Variants in AGAP1 observed in about 807,000 individuals in gnomAD.
AGAP1 encodes the protein ArfGAP with GTPase domain, ankyrin repeat and PH domain 1.
A neutral mutation model predicts 105.3 loss-of-function variants in AGAP1; 29 were observed. The ratio of observed to expected loss-of-function variants is 0.28; its 90% confidence interval spans 0.21 to 0.38. The LOEUF (loss-of-function observed/expected upper bound fraction) is 0.38. Ranked by LOEUF, AGAP1 falls within the 10% of genes least tolerant of loss-of-function variation. The probability of loss-of-function intolerance (pLI) is 1.00; values close to 1 mark genes in which losing one functional copy is unlikely to be tolerated. For synonymous variants in AGAP1, 509 were observed against 485.9 expected, an observed-to-expected ratio of 1.05 and a Z score of -0.63; for missense variants, 998 against 1,165.1, an observed-to-expected ratio of 0.86 and a Z score of 2.09.
chr2:235,972,578 CT>C (rs2125366512), intron 13 of AGAP1, among the ~76,000 whole-genome samples: 1 of 152,292 alleles, frequency 6.6e-6, no homozygotes, highest in South Asian at 2.1e-4. Context: ...AGAAAGAGAC[CT>C]GTCCGGCTGT....
At chr2:235,651,805 A>G (rs1947604569) in intron 1 of AGAP1, among the ~76,000 whole-genome samples, 1 of 152,216 alleles carries the variant, frequency 6.6e-6, no homozygotes. Flanking sequence ...AGAGATTTTC[A>G]TAGTAATTGA....
rs144616803 is a variant in AGAP1 at position 235,753,370 on chromosome 2, G to A, written c.673+2882G>A. Among the ~76,000 whole-genome samples, 12 of 152,270 alleles carry A rather than the reference G, an allele frequency of 7.9e-5. No individual in the cohort carries two copies. The highest frequency in any genetic ancestry group is 3.3e-4 in the Admixed American group (5 of 15,294). ...GTTTTCATGGGCACAGGAGATTTCCGTTCCAGTTTCGTATTATAGAAATAA... is the reference window on the plus strand; with the variant it reads ...GTTTTCATGGGCACAGGAGATTTCCATTCCAGTTTCGTATTATAGAAATAA... On this transcript the variant is annotated intron_variant, in intron 6 of 17. Transcript: ENST00000304032. The surrounding 1 kb of genome is among the most constrained non-coding windows in gnomAD (Gnocchi z 4.5).
At position 235,528,796 on chromosome 2, in the gene AGAP1, G is replaced by T. The variant is rs560315353; in HGVS notation, c.163+33947G>T. The stretch of plus-strand genomic sequence containing the variant: ...GGTTGCAAGCAATTCTCCTGCCTCA[G>T]CCTCCCTAGTAGCTGGGATTACAGT... On this transcript the variant is annotated intron_variant, in intron 1 of 17. Transcript: ENST00000304032. Among the ~76,000 whole-genome samples the T allele has an allele frequency of 2.6e-5, 4 of 152,256 alleles. No individual in the cohort carries two copies. In the East Asian group the frequency reaches 5.8e-4, roughly 22 times the overall value.
rs900640895 is a variant in AGAP1 at position 236,123,208 on chromosome 2, G to A, written c.2371-711G>A. Reference sequence around the variant, plus strand: ...CCCACCTCAGCCTCCTGCATAGCTGGGACCACAGGCATATGCCACGTGCCC... The same window carrying A: ...CCCACCTCAGCCTCCTGCATAGCTGAGACCACAGGCATATGCCACGTGCCC... On this transcript the variant is annotated intron_variant, in intron 17 of 17. Coordinates refer to ENST00000304032, the MANE Select transcript of AGAP1 (RefSeq NM_001037131.3). This position sits in a 1 kb window ranked among gnomAD's most constrained non-coding sequence, Gnocchi z 4.6. Among the ~76,000 whole-genome samples the A allele has an allele frequency of 6.6e-6, 1 of 152,094 alleles. No homozygotes were observed. Among genetic ancestry groups the A allele is most frequent in the Non-Finnish European group, 1.5e-5 (1 of 68,024 alleles).
chr2:235,833,957 T>TA (rs60112448), intron 9 of AGAP1, among the ~76,000 whole-genome samples: 11,741 of 137,750 alleles, frequency 0.085, 1,144 homozygotes, highest in African/African-American at 0.24. Flanking sequence ...ATTTTTTTTG[T>TA]AAAAAAAAAA....
chr2:236,108,880 C>T (rs964846668), intron 16 of AGAP1, among the ~76,000 whole-genome samples: 11 of 152,180 alleles, frequency 7.2e-5, no homozygotes, highest in African/African-American at 2.4e-4. Flanking sequence ...TCCCAGACCC[C>T]GCCACAAGAC....
chr2:235,895,142 G>C (rs2050741716), intron 10 of AGAP1, among the ~76,000 whole-genome samples: 1 of 152,220 alleles, frequency 6.6e-6, no homozygotes. Context: ...GCAGTGGCCT[G>C]CTCATAAAGT....
At chr2:235,647,490 C>T (rs1436053679) in intron 1 of AGAP1, among the ~76,000 whole-genome samples, 3 of 152,078 alleles carry the variant, frequency 2.0e-5, no homozygotes, top group South Asian at 2.1e-4. Context: ...CAGGCTCAAG[C>T]GATCCTCTCA....
chr2:235,955,144 A>G (rs1319971690), intron 12 of AGAP1, among the ~76,000 whole-genome samples: 1 of 152,198 alleles, frequency 6.6e-6, no homozygotes, highest in Non-Finnish European at 1.5e-5. Context: ...TGACATGCCC[A>G]GGGTCACGTG....
chr2:236,105,499 C>T lies in AGAP1; in HGVS notation c.2115-14693C>T, dbSNP rs1320482014. On this transcript the variant is annotated intron_variant, in intron 16 of 17. Transcript: ENST00000304032. This position sits in a 1 kb window ranked among gnomAD's most constrained non-coding sequence, Gnocchi z 4.2. ...CTCTTCCTGGCTTATAGACAGATGC[C>T]TCTTGCAGTGTCCTCATGTGGAGGA... 1.3e-5 allele frequency among the ~76,000 whole-genome samples: 2 copies of T among 151,628 alleles called. No homozygotes were observed. Among genetic ancestry groups the T allele is most frequent in the South Asian group, 2.1e-4 (1 of 4,786 alleles).
rs1207913073 is a variant in AGAP1, at chr2:235,752,333, A to T, written c.673+1845A>T. On this transcript the variant is annotated intron_variant, in intron 6 of 17. Coordinates refer to ENST00000304032, the MANE Select transcript of AGAP1 (RefSeq NM_001037131.3). This position sits in a 1 kb window ranked among gnomAD's most constrained non-coding sequence, Gnocchi z 4.3. Reference sequence around the variant, plus strand: ...GCTGGAATTACAGGTACACGCTGCCACACCTGGCTAATTTTTTGCATTTTA... The same window carrying T: ...GCTGGAATTACAGGTACACGCTGCCTCACCTGGCTAATTTTTTGCATTTTA... Among the ~76,000 whole-genome samples, 1 of 151,940 alleles carries T rather than the reference A, an allele frequency of 6.6e-6. No individual in the cohort carries two copies. Among genetic ancestry groups the T allele is most frequent in the African/African-American group, 2.4e-5 (1 of 41,266 alleles).
In AGAP1 at chr2:235,760,503, A is replaced by G. The variant is rs941588423; in HGVS notation, c.673+10015A>G. On this transcript the variant is annotated intron_variant, in intron 6 of 17. Coordinates refer to ENST00000304032, the MANE Select transcript of AGAP1 (RefSeq NM_001037131.3). ...GAGGTGATTATCCTTAAATCATCCA[A>G]GTGTTTTTGAATATTATTTCAATTA... Among the ~76,000 whole-genome samples, 15 of 152,384 alleles carry G rather than the reference A, an allele frequency of 9.8e-5. No individual in the cohort carries two copies. In the South Asian group the frequency reaches 2.9e-3, roughly 29 times the overall value.
rs555235052 is a variant in AGAP1 at position 235,823,109 on chromosome 2, T to G, written c.1050+15778T>G. 2.6e-5 allele frequency among the ~76,000 whole-genome samples: 4 copies of G among 152,320 alleles called. No individual in the cohort carries two copies. The East Asian group carries it at 7.7e-4, about 29-fold the overall frequency. ...TCTGTTACTCAGAATCTTACCTATTTTTTCCAAGTAGTTTCTCTCAGAGAA... is the reference window on the plus strand; with the variant it reads ...TCTGTTACTCAGAATCTTACCTATTGTTTCCAAGTAGTTTCTCTCAGAGAA... On this transcript the variant is annotated intron_variant, in intron 9 of 17. Coordinates refer to ENST00000304032, the MANE Select transcript of AGAP1 (RefSeq NM_001037131.3).
intron 12 of AGAP1, among the ~76,000 whole-genome samples, chr2:235,940,364 C>A (rs1334343912): frequency 1.3e-5 from 2 of 152,190 alleles, no homozygotes; most frequent in Non-Finnish European, 2.9e-5. Flanking sequence ...GATTGCCACT[C>A]CCCACACCCA....
intron 1 of AGAP1, among the ~76,000 whole-genome samples, chr2:235,650,100 G>A (rs1446910985): frequency 2.0e-5 from 3 of 152,174 alleles, no homozygotes; most frequent in African/African-American, 4.8e-5. Flanking sequence ...GGTGGCTCAC[G>A]CCTGAAATCC....
Position 235,824,459 on chromosome 2 carries a change from G to A in AGAP1, c.1050+17128G>A, listed in dbSNP as rs1005276690. On this transcript the variant is annotated intron_variant, in intron 9 of 17. Transcript: ENST00000304032. The surrounding 1 kb of genome is among the most constrained non-coding windows in gnomAD (Gnocchi z 5.2). Reference sequence around the variant, plus strand: ...CATTGAACTGTGAAGAAATAATGTTGTACAGCCAATCAAAAAGAGATACTT... The same window carrying A: ...CATTGAACTGTGAAGAAATAATGTTATACAGCCAATCAAAAAGAGATACTT... Among the ~76,000 whole-genome samples the A allele has an allele frequency of 2.6e-5, 4 of 152,170 alleles. No homozygotes were observed. Among genetic ancestry groups the A allele is most frequent in the Non-Finnish European group, 4.4e-5 (3 of 68,038 alleles).
In AGAP1 at chr2:235,793,674, G is replaced by A. The variant is rs1200200750; in HGVS notation, c.674-4085G>A. Among the ~76,000 whole-genome samples, 1 of 152,170 alleles carries A rather than the reference G, an allele frequency of 6.6e-6. No individual in the cohort carries two copies. Among genetic ancestry groups the A allele is most frequent in the Non-Finnish European group, 1.5e-5 (1 of 68,034 alleles). On this transcript the variant is annotated intron_variant, in intron 6 of 17. Transcript: ENST00000304032. This position sits in a 1 kb window ranked among gnomAD's most constrained non-coding sequence, Gnocchi z 5.3. ...CAGCAAAAAGGAGGAAGGGGGAGGA[G>A]GAGGAGCTGTCCTCTGGTTATAGAG...
chr2:235,708,230 T>G (rs557094905), intron 1 of AGAP1, among the ~76,000 whole-genome samples: 121 of 152,338 alleles, frequency 7.9e-4, no homozygotes, highest in African/African-American at 2.7e-3. Context: ...AAATCCCATG[T>G]GGAAAGAGCT....
chr2:235,893,565 T>C lies in AGAP1; in HGVS notation c.1155+10116T>C, dbSNP rs1341286873. On this transcript the variant is annotated intron_variant, in intron 10 of 17. Coordinates refer to ENST00000304032, the MANE Select transcript of AGAP1 (RefSeq NM_001037131.3). The surrounding 1 kb of genome is among the most constrained non-coding windows in gnomAD (Gnocchi z 4.7). ...TGGTGCGGGTGTGCCGTGTCCATCA[T>C]GAGGGTGCGCCGTGTCCGTCATGCA... is the stretch of plus-strand genomic sequence containing the variant. Among the ~76,000 whole-genome samples, 1 of 152,092 alleles carries C rather than the reference T, an allele frequency of 6.6e-6. No individual in the cohort carries two copies. The highest frequency in any genetic ancestry group is 2.4e-5 in the African/African-American group (1 of 41,412).
Sources: gnomAD v4.1 joint callset for allele counts (sites outside exome capture counted in the v4.1 genomes callset) on GRCh38, gnomAD v4.1.1 for gene constraint, Gnocchi (gnomAD v3.1) non-coding constraint, MANE v1.5 for transcripts, NCBI Gene and HGNC (gene_info 2026-07-23, HGNC 2026-07-21) for gene names.